AFF4: variants seen among roughly 807,000 people sequenced by gnomAD.
AFF4 encodes the protein AF4/FMR2 family member 4.
AFF4 carries 13 observed loss-of-function variants against 124.8 expected under a neutral mutation model. That is an observed-to-expected ratio of 0.10 (90% CI 0.07 to 0.17). The LOEUF (loss-of-function observed/expected upper bound fraction) is 0.17, where lower values mean the gene tolerates loss of function less well. Among genes scored for constraint, AFF4 ranks in the 10% least tolerant of loss-of-function variants. The pLI, the probability that AFF4 is intolerant of heterozygous loss-of-function variation, is 1.00. For missense variants in AFF4, 1,092 were observed against 1,403.8 expected, an observed-to-expected ratio of 0.78 and a Z score of 3.55; for synonymous variants, 477 against 496.1, an observed-to-expected ratio of 0.96 and a Z score of 0.51.
intron 6 of AFF4, chr5:132,903,926 A>T (rs1561488252): frequency 6.5e-6 from 1 of 153,226 alleles, no homozygotes; most frequent in Non-Finnish European, 1.5e-5. Flanking sequence ...AAGCATAACA[A>T]TTTTTCAGCT....
chr5:132,949,582 C>T (rs1761782147), intron 1 of AFF4, among the ~76,000 whole-genome samples: 1 of 151,874 alleles, frequency 6.6e-6, no homozygotes, highest in Non-Finnish European at 1.5e-5. Context: ...GAGGCTGAGG[C>T]GGGTGGATCA....
rs766813498 is a variant in AFF4, at chr5:132,934,269, T to C, written c.796A>G (p.Met266Val). The C allele has an allele frequency of 8.7e-6, 14 of 1,614,210 alleles. No individual in the cohort carries two copies. The highest frequency in any genetic ancestry group is 1.7e-5 in the Admixed American group (1 of 60,020). ...YVRPMDGQES[M>V]EPKLSSEHYS... ...TGCTCAGAGGACAGCTTTGGTTCCA[T>C]GGACTCCTGTCCGTCCATGGGCCGC... is the stretch of plus-strand genomic sequence containing the variant. The change falls in exon 3 of 21, where the codon ATG (methionine) becomes GTG (valine). Residue 266 changes from methionine to valine, a missense_variant. Physicochemically the swap from Met to Val is conservative, Grantham distance 21 (BLOSUM62 1). This residue lies in a region of AFF4 where 148 missense variants were observed against 196.3 expected (regional missense o/e 0.75). Coordinates refer to ENST00000265343, the MANE Select transcript of AFF4 (RefSeq NM_014423.4).
In AFF4 at chr5:132,878,797, T is replaced by C. The variant is rs1366933938; in HGVS notation, c.*2262A>G. 2 of 223,330 alleles carry C rather than the reference T, an allele frequency of 9.0e-6. No individual in the cohort carries two copies. The highest frequency in any genetic ancestry group is 4.5e-5 in the African/African-American group (2 of 44,812). 13.8% of individuals were successfully genotyped at this position (223,330 alleles called of 1,614,324 possible). On this transcript the variant is annotated 3_prime_UTR_variant, in exon 21 of 21. Transcript: ENST00000265343. Reference sequence around the variant, plus strand: ...CAAAATATCAGTGTGACCCCAAAAATGCTCCTGCTGCCTTTCAGGACATAC... The same window carrying C: ...CAAAATATCAGTGTGACCCCAAAAACGCTCCTGCTGCCTTTCAGGACATAC...
intron 5 of AFF4, among the ~76,000 whole-genome samples, chr5:132,917,354 AG>A (rs887135815): frequency 9.2e-5 from 14 of 152,214 alleles, no homozygotes; most frequent in African/African-American, 3.4e-4. Context: ...AAAGAGGAAT[AG>A]AAGAATTTCC....
intron 1 of AFF4, among the ~76,000 whole-genome samples, chr5:132,940,132 G>A (rs1441969870): frequency 2.6e-5 from 4 of 152,042 alleles, no homozygotes; most frequent in East Asian, 1.9e-4. Flanking sequence ...CCTGGGAGGC[G>A]GAGGTTGCAG....
chr5:132,958,359 G>C (rs75125850), intron 1 of AFF4, among the ~76,000 whole-genome samples: 1 of 151,356 alleles, frequency 6.6e-6, no homozygotes, highest in African/African-American at 2.4e-5. Flanking sequence ...CCAGCTACTC[G>C]GGAGGCTGAG....
chr5:132,877,077 A>C lies in AFF4; in HGVS notation c.*3982T>G, dbSNP rs1306680790. 1 of 203,106 alleles carries C rather than the reference A, an allele frequency of 4.9e-6. No individual in the cohort carries two copies. Among genetic ancestry groups the C allele is most frequent in the Non-Finnish European group, 1.0e-5 (1 of 98,600 alleles). The allele number at this position is 203,106 out of a possible 1,614,324, so 12.6% of individuals were successfully genotyped here. A position where few individuals can be genotyped will look rare whatever the true frequency, so the allele number is the denominator to read the frequency against. On this transcript the variant is annotated 3_prime_UTR_variant, in exon 21 of 21. Transcript: ENST00000265343. ...ATGTTCCATGTATTAGGGGATATAC[A>C]GGTATGATAGGTGTCTATATGGGTT... is the stretch of plus-strand genomic sequence containing the variant.
At chr5:132,909,393 T>A (rs2150081243) in intron 5 of AFF4, among the ~76,000 whole-genome samples, 1 of 152,302 alleles carries the variant, frequency 6.6e-6, no homozygotes, top group Non-Finnish European at 1.5e-5. Context: ...TCCACCCGCC[T>A]CAGCCTCCCC....
At chr5:132,944,508 G>A (rs540831220) in intron 1 of AFF4, among the ~76,000 whole-genome samples, 88 of 152,222 alleles carry the variant, frequency 5.8e-4, no homozygotes, top group African/African-American at 2.1e-3. Flanking sequence ...TTAGCTGGGT[G>A]TGGTGGCATG....
Position 132,963,410 on chromosome 5 carries a change from C to T in AFF4, c.-156G>A, listed in dbSNP as rs371916132. The T allele has an allele frequency of 0.013, 5,046 of 398,064 alleles. 46 individuals are homozygous for T. The highest frequency in any genetic ancestry group is 0.017 in the Non-Finnish European group (3,883 of 225,778). 24.7% of individuals were successfully genotyped at this position (398,064 alleles called of 1,614,324 possible). A position where few individuals can be genotyped will look rare whatever the true frequency, so the allele number is the denominator to read the frequency against. The stretch of plus-strand genomic sequence containing the variant: ...GGGGCTCCGGGAGGCGGCGGGGGTT[C>T]CGGAGGCCTCGACAAACGAAGGCGG... On this transcript the variant is annotated 5_prime_UTR_variant, in exon 1 of 21. Coordinates refer to ENST00000265343, the MANE Select transcript of AFF4 (RefSeq NM_014423.4).
intron 1 of AFF4, among the ~76,000 whole-genome samples, chr5:132,956,457 C>G (rs1214892415): frequency 1.3e-5 from 2 of 151,726 alleles, no homozygotes; most frequent in African/African-American, 2.4e-5. Context: ...CTGGCAAAAC[C>G]CCATCTCTAC....
At position 132,908,774 on chromosome 5, in the gene AFF4, A is replaced by G. The variant is rs367658884; in HGVS notation, c.1051-4370T>C. On this transcript the variant is annotated intron_variant, in intron 5 of 20. Transcript: ENST00000265343. ...TATATATACATATATATATATATATATATTTTTTTTTTTTGAGACGGAATC... is the reference window on the plus strand; with the variant it reads ...TATATATACATATATATATATATATGTATTTTTTTTTTTTGAGACGGAATC... Among the ~76,000 whole-genome samples, 8 of 122,510 alleles carry G rather than the reference A, an allele frequency of 6.5e-5. No homozygotes were observed. The Admixed American group carries it at 6.9e-4, about 10-fold the overall frequency. 80.4% of individuals were successfully genotyped at this position (122,510 alleles called of 152,430 possible).
chr5:132,919,765 G>A lies in AFF4; in HGVS notation c.1050+7356C>T, dbSNP rs143063430. Among the ~76,000 whole-genome samples the A allele has an allele frequency of 5.4e-3, 819 of 152,128 alleles. 5 individuals are homozygous for A. The highest frequency in any genetic ancestry group is 0.027 in the Middle Eastern group (8 of 294). On this transcript the variant is annotated intron_variant, in intron 5 of 20. Coordinates refer to ENST00000265343, the MANE Select transcript of AFF4 (RefSeq NM_014423.4). ...TTCGGGAGACCAAGGCATGAGAATC[G>A]CTTGAGCCCAGGAGTCAGATGTTGC...
intron 5 of AFF4, among the ~76,000 whole-genome samples, chr5:132,912,363 A>C (rs148766706): frequency 6.6e-6 from 1 of 151,922 alleles, no homozygotes; most frequent in Admixed American, 6.6e-5. Context: ...AAGATAACAA[A>C]CTGTGTTTAC....
At chr5:132,947,370 T>C (rs1761724415) in intron 1 of AFF4, among the ~76,000 whole-genome samples, 1 of 152,174 alleles carries the variant, frequency 6.6e-6, no homozygotes, top group Non-Finnish European at 1.5e-5. Flanking sequence ...GCCACTCCAC[T>C]CTAGGCTGCA....
intron 5 of AFF4, among the ~76,000 whole-genome samples, chr5:132,917,690 TTTTTC>T (rs1426513125): frequency 7.8e-5 from 9 of 115,988 alleles, no homozygotes; most frequent in African/African-American, 2.1e-4. Context: ...AAGGTATTTC[TTTTTC>T]TTTTCTTTTC....
rs560750033 is a variant in AFF4, at chr5:132,922,991, A to G, written c.1050+4130T>C. 2.6e-5 allele frequency among the ~76,000 whole-genome samples: 4 copies of G among 151,892 alleles called. No individual in the cohort carries two copies. In the South Asian group the frequency reaches 6.2e-4, roughly 24 times the overall value. Reference sequence around the variant, plus strand: ...GGAGATTGAGACCATCCTGGCCAACATGGTGAAACCTCGCCTCTACTAAAA... The same window carrying G: ...GGAGATTGAGACCATCCTGGCCAACGTGGTGAAACCTCGCCTCTACTAAAA... On this transcript the variant is annotated intron_variant, in intron 5 of 20. Transcript: ENST00000265343.
At chr5:132,921,805 G>C (rs1326233347) in intron 5 of AFF4, among the ~76,000 whole-genome samples, 1 of 151,906 alleles carries the variant, frequency 6.6e-6, no homozygotes, top group Non-Finnish European at 1.5e-5. Context: ...CCCCCAGAGA[G>C]AGTCAGTCTC....
Position 132,934,608 on chromosome 5 carries a change from G to A in AFF4, c.457C>T (p.Arg153Cys), listed in dbSNP as rs1398982873. 6 of 1,613,892 alleles carry A rather than the reference G, an allele frequency of 3.7e-6. No individual in the cohort carries two copies. Among genetic ancestry groups the A allele is most frequent in the East Asian group, 2.2e-5 (1 of 44,892 alleles). ...CTCCCACTATTGTTATATGACTCACGGTCGTGCCTCTGACCACTACTGTTA... is the reference window on the plus strand; with the variant it reads ...CTCCCACTATTGTTATATGACTCACAGTCGTGCCTCTGACCACTACTGTTA... ...GTNSSGQRHDRESYNNSGSSS... is the reference protein window; with the variant it reads ...GTNSSGQRHDCESYNNSGSSS... Residue 153 changes from arginine (R) to cysteine (C), a missense_variant, in exon 3 of 21, where the codon CGT becomes TGT. By Grantham distance (180) the Arg-to-Cys change is radical. Transcript: ENST00000265343.
Sources: gnomAD v4.1 joint callset for allele counts (sites outside exome capture counted in the v4.1 genomes callset) on GRCh38, gnomAD v4.1.1 for gene constraint, gnomAD v4.1.1 regional missense constraint, MANE v1.5 for transcripts, NCBI Gene and HGNC (gene_info 2026-07-23, HGNC 2026-07-21) for gene names.